The following TENM4 variants were observed in gnomAD, a reference collection of about 807,000 sequenced individuals.
The protein encoded by TENM4 is teneurin transmembrane protein 4, also known as teneurin-4.
Under a neutral mutation model 243.3 loss-of-function variants are expected in TENM4, and 82 were observed. The ratio of observed to expected loss-of-function variants is 0.34; its 90% CI spans 0.28 to 0.40. TENM4 has a LOEUF of 0.40. Ranked by LOEUF, TENM4 falls within the 10% of genes least tolerant of loss-of-function variation. The pLI, the probability that TENM4 is intolerant of heterozygous loss-of-function variation, is 1.00. For synonymous variants in TENM4, 1,412 were observed against 1,456.3 expected (o/e 0.97, Z 0.69); for missense variants, 3,138 against 3,673.3 (o/e 0.85, Z 3.77).
chr11:78,993,215 G>T (rs1369640095), intron 6 of TENM4, among the ~76,000 whole-genome samples: 1 of 152,172 alleles, frequency 6.6e-6, no homozygotes, highest in African/African-American at 2.4e-5. Flanking sequence ...TCAAAGGGGA[G>T]TTGAGGAAAA....
chr11:79,412,444 CAG>C (rs1306362015), intron 1 of TENM4, among the ~76,000 whole-genome samples: 1 of 152,194 alleles, frequency 6.6e-6, no homozygotes, highest in Non-Finnish European at 1.5e-5. Flanking sequence ...CCATTCCACA[CAG>C]AGTGAGGTGG....
intron 9 of TENM4, among the ~76,000 whole-genome samples, chr11:78,885,464 G>A (rs572583829): frequency 6.6e-6 from 1 of 152,372 alleles, no homozygotes; most frequent in African/African-American, 2.4e-5. Context: ...ACTCCCAGGA[G>A]AGGAGGAGAT....
chr11:79,082,967 TA>T (rs1371515230), intron 4 of TENM4, among the ~76,000 whole-genome samples: 1 of 152,202 alleles, frequency 6.6e-6, no homozygotes, highest in Non-Finnish European at 1.5e-5. Flanking sequence ...TTAGCCGCTG[TA>T]AGTCACACAG....
At chr11:78,851,421 G>C (rs181626880) in intron 12 of TENM4, among the ~76,000 whole-genome samples, 253 of 152,336 alleles carry the variant, frequency 1.7e-3, no homozygotes, top group Non-Finnish European at 2.5e-3. Context: ...CAAGCCAAGG[G>C]TTGGCAAAGA....
intron 6 of TENM4, among the ~76,000 whole-genome samples, chr11:79,004,083 A>G (rs577513205): frequency 3.2e-4 from 49 of 152,326 alleles, no homozygotes; most frequent in Admixed American, 2.6e-4. Context: ...ATCCAACAAG[A>G]AGATCTAGCT....
intron 3 of TENM4, among the ~76,000 whole-genome samples, chr11:79,149,322 A>T (rs921926506): frequency 5.9e-5 from 9 of 152,132 alleles, no homozygotes; most frequent in African/African-American, 2.2e-4. Flanking sequence ...TGTTGTTCCT[A>T]AATTGGATAC....
chr11:78,817,673 A>G (rs1857636763), intron 12 of TENM4, among the ~76,000 whole-genome samples: 1 of 152,256 alleles, frequency 6.6e-6, no homozygotes, highest in Admixed American at 6.5e-5. Context: ...GATAATTTCC[A>G]CTTTAAGCTA....
intron 4 of TENM4, among the ~76,000 whole-genome samples, chr11:79,126,884 GA>G (rs1427768572): frequency 6.6e-6 from 1 of 152,208 alleles, no homozygotes; most frequent in East Asian, 1.9e-4. Flanking sequence ...GTGCACTGGA[GA>G]AAGGGAAATG....
At chr11:79,141,729 T>C (rs1862288358) in intron 4 of TENM4, among the ~76,000 whole-genome samples, 1 of 151,868 alleles carries the variant, frequency 6.6e-6, no homozygotes, top group Non-Finnish European at 1.5e-5. Context: ...GCCAATATGA[T>C]TGATGAACAT....
In TENM4 at chr11:79,438,041, A is replaced by T; in HGVS notation, c.-321+2468T>A. ...AGGGAGGATTTATTTTACAGCAAGG[A>T]ACAGATTCAGACAGATCGGGGATTT... On this transcript the variant is annotated intron_variant, in intron 1 of 33. Transcript: ENST00000278550. This position sits in a 1 kb window ranked among gnomAD's most constrained non-coding sequence, Gnocchi z 4.1. Among the ~76,000 whole-genome samples the T allele has an allele frequency of 6.6e-6, 1 of 152,152 alleles. No homozygotes were observed. Among genetic ancestry groups the T allele is most frequent in the East Asian group, 1.9e-4 (1 of 5,182 alleles).
At chr11:79,289,095 T>C (rs1346526947) in intron 2 of TENM4, among the ~76,000 whole-genome samples, 6 of 152,238 alleles carry the variant, frequency 3.9e-5, no homozygotes, top group Non-Finnish European at 5.9e-5. Flanking sequence ...AGACTTATTA[T>C]GACACCATCA....
At chr11:79,316,168 T>C (rs1269040411) in intron 1 of TENM4, among the ~76,000 whole-genome samples, 2 of 152,060 alleles carry the variant, frequency 1.3e-5, no homozygotes, top group African/African-American at 4.8e-5. Flanking sequence ...AGGAAGCAGA[T>C]AGTGGGAGAA....
At position 78,669,959 on chromosome 11, in the gene TENM4, T is replaced by C. The variant is rs367616110; in HGVS notation, c.6386A>G (p.Asp2129Gly). The C allele has an allele frequency of 5.6e-5, 90 of 1,613,640 alleles. No homozygotes were observed. The highest frequency in any genetic ancestry group is 7.5e-5 in the Non-Finnish European group (89 of 1,179,842). ...AGCTGTGGTGATGATCTGGTTAATG[T>C]CATAGTAAATGACACCAAACTTCCC... ...QFGKFGVIYYDINQIITTAVM... is the reference protein window; with the variant it reads ...QFGKFGVIYYGINQIITTAVM... The change falls in exon 32 of 34, where the codon GAC becomes GGC. Residue 2129 changes from aspartate to glycine, a missense_variant. This residue lies in a region of TENM4 where 2,467 missense variants were observed against 3,059.1 expected (regional missense o/e 0.81). Transcript: ENST00000278550. The surrounding 1 kb of genome is among the most constrained non-coding windows in gnomAD (Gnocchi z 6.4).
At chr11:79,430,080 A>G (rs768442251) in intron 1 of TENM4, among the ~76,000 whole-genome samples, 4 of 151,880 alleles carry the variant, frequency 2.6e-5, no homozygotes, top group Non-Finnish European at 5.9e-5. Flanking sequence ...GAGCTGAACC[A>G]CTAGTGAGCA....
chr11:79,008,697 T>C (rs1246241152), intron 6 of TENM4, among the ~76,000 whole-genome samples: 2 of 152,206 alleles, frequency 1.3e-5, no homozygotes, highest in East Asian at 3.8e-4. Flanking sequence ...TTTGTGATTA[T>C]AAATAATGAC....
intron 6 of TENM4, among the ~76,000 whole-genome samples, chr11:79,041,514 GA>G (rs1453187837): frequency 8.2e-6 from 1 of 121,660 alleles, no homozygotes; most frequent in Non-Finnish European, 1.8e-5. Flanking sequence ...AAAAATCGAA[GA>G]AACAATTTAC....
intron 6 of TENM4, among the ~76,000 whole-genome samples, chr11:79,058,047 G>A (rs1859985237): frequency 6.6e-6 from 1 of 152,174 alleles, no homozygotes; most frequent in South Asian, 2.1e-4. Context: ...GTCATAATTT[G>A]AGAGTGGCCC....
chr11:79,126,366 G>C (rs2137146720), intron 4 of TENM4, among the ~76,000 whole-genome samples: 1 of 152,322 alleles, frequency 6.6e-6, no homozygotes, highest in East Asian at 1.9e-4. Flanking sequence ...GCTCATCTCT[G>C]TATGTCAGAT....
At chr11:79,122,710 A>T (rs1279720992) in intron 4 of TENM4, among the ~76,000 whole-genome samples, 1 of 152,202 alleles carries the variant, frequency 6.6e-6, no homozygotes, top group Non-Finnish European at 1.5e-5. Context: ...ATCAGATCCA[A>T]CAAGATCCAA....
Sources: allele counts gnomAD v4.1 joint callset (sites outside exome capture counted in the v4.1 genomes callset), GRCh38; gene constraint gnomAD v4.1.1; regional missense constraint gnomAD v4.1.1; non-coding constraint Gnocchi (gnomAD v3.1); transcripts MANE v1.5; gene names NCBI Gene and HGNC (gene_info 2026-07-23, HGNC 2026-07-21).